The following ASB7 variants were observed in gnomAD, a reference collection of about 807,000 sequenced individuals.
ASB7 encodes the protein ankyrin repeat and SOCS box protein 7.
Under a neutral mutation model 32.5 loss-of-function variants are expected in ASB7, and 4 were observed. The ratio of observed to expected loss-of-function variants is 0.12; its 90% CI spans 0.06 to 0.28. The LOEUF (loss-of-function observed/expected upper bound fraction) is 0.28. Among genes scored for constraint, ASB7 ranks in the 10% least tolerant of loss-of-function variants. ASB7 has a pLI of 1.00. For missense variants in ASB7, 181 were observed against 407.1 expected (o/e 0.44, Z 4.78); for synonymous variants, 172 against 155.6 (o/e 1.11, Z -0.78).
chr15:100,623,739 G>A (rs978602098), intron 4 of ASB7, among the ~76,000 whole-genome samples: 5 of 151,860 alleles, frequency 3.3e-5, no homozygotes, highest in African/African-American at 1.2e-4. Flanking sequence ...CTCTTAATAC[G>A]GCATCGGTGG....
Position 100,648,377 on chromosome 15 carries a change from G to A in ASB7, c.872G>A (p.Gly291Asp), listed in dbSNP as rs2040010172. Residue 291 changes from glycine (G) to aspartate (D), a missense_variant, in exon 6 of 6, where the codon GGC becomes GAC. Transcript: ENST00000332783. ...CGAATTAAAATTCGACAATGTATAGGCCTTCAAAACCTAAAGCTACTTGAT... is the reference window on the plus strand; with the variant it reads ...CGAATTAAAATTCGACAATGTATAGACCTTCAAAACCTAAAGCTACTTGAT... ...LCRIKIRQCI[G>D]LQNLKLLDEL... is the part of the protein sequence containing the mutation. The A allele has an allele frequency of 6.2e-7, 1 of 1,611,452 alleles. No homozygotes were observed.
chr15:100,623,539 T>C (rs1029103069), intron 4 of ASB7, among the ~76,000 whole-genome samples: 2 of 152,202 alleles, frequency 1.3e-5, no homozygotes, highest in African/African-American at 2.4e-5. Flanking sequence ...CAATGAGATA[T>C]CTTATCCCAG....
At chr15:100,637,234 A>T (rs1033626296) in intron 5 of ASB7, among the ~76,000 whole-genome samples, 2 of 152,226 alleles carry the variant, frequency 1.3e-5, no homozygotes, top group African/African-American at 4.8e-5. Flanking sequence ...TTTACTGGAA[A>T]GAGTAGAAGC....
intron 2 of ASB7, among the ~76,000 whole-genome samples, chr15:100,608,768 C>T (rs761328707): frequency 3.7e-4 from 57 of 152,066 alleles, no homozygotes; most frequent in Non-Finnish European, 5.9e-4. Context: ...CTTTACCTTC[C>T]TTGAAGAGGT....
At chr15:100,644,280 C>T (rs1013136043) in intron 5 of ASB7, among the ~76,000 whole-genome samples, 7 of 152,088 alleles carry the variant, frequency 4.6e-5, no homozygotes, top group Admixed American at 2.6e-4. Flanking sequence ...AAAAAGAGCC[C>T]GTCATCTATT....
At chr15:100,607,619 A>G (rs2039657543) in intron 2 of ASB7, among the ~76,000 whole-genome samples, 2 of 152,276 alleles carry the variant, frequency 1.3e-5, no homozygotes, top group South Asian at 4.1e-4. Flanking sequence ...AGCACTTGGT[A>G]TTTTCAGAAA....
At position 100,629,633 on chromosome 15, in the gene ASB7, C is replaced by G. The variant is rs1307788928; in HGVS notation, c.408C>G (p.Leu136=). The G allele has an allele frequency of 6.2e-7, 1 of 1,614,198 alleles. No individual in the cohort carries two copies. The highest frequency in any genetic ancestry group is 8.5e-7 in the Non-Finnish European group (1 of 1,180,046). The part of the protein sequence containing the change: ...HYGRDSFVRL[L]LEFKAEVDPL... ...GCAGGGACTCATTTGTCCGGCTCCTCCTGGAGTTCAAGGCTGAGGTTGACC... is the reference window on the plus strand; with the variant it reads ...GCAGGGACTCATTTGTCCGGCTCCTGCTGGAGTTCAAGGCTGAGGTTGACC... Residue 136 remains leucine (L), a synonymous_variant, in exon 5 of 6, where the codon CTC becomes CTG. Coordinates refer to ENST00000332783, the MANE Select transcript of ASB7 (RefSeq NM_198243.3). This position sits in a 1 kb window ranked among gnomAD's most constrained non-coding sequence, Gnocchi z 6.8.
chr15:100,616,636 T>G (rs1270613721), intron 4 of ASB7, among the ~76,000 whole-genome samples: 1 of 152,186 alleles, frequency 6.6e-6, no homozygotes, highest in East Asian at 1.9e-4. Flanking sequence ...CATTTCTGAG[T>G]TTTTATTTAA....
At chr15:100,632,520 G>A (rs3803440) in intron 5 of ASB7, among the ~76,000 whole-genome samples, 100,992 of 152,064 alleles carry the variant, frequency 0.66, 33,907 homozygotes, top group East Asian at 0.82. Context: ...TCTGGACTGA[G>A]CTTTCTCATG....
intron 5 of ASB7, among the ~76,000 whole-genome samples, chr15:100,641,571 T>A (rs2039962083): frequency 6.6e-6 from 1 of 152,208 alleles, no homozygotes; most frequent in African/African-American, 2.4e-5. Flanking sequence ...CCCTCACATC[T>A]CTGCCTGATT....
chr15:100,603,646 C>T (rs1162896320), intron 2 of ASB7, among the ~76,000 whole-genome samples: 10 of 152,074 alleles, frequency 6.6e-5, no homozygotes, highest in African/African-American at 9.7e-5. Context: ...CATAGGAATT[C>T]CTCAATTCCT....
intron 5 of ASB7, among the ~76,000 whole-genome samples, chr15:100,633,551 T>C (rs1483146939): frequency 6.7e-6 from 1 of 149,782 alleles, no homozygotes; most frequent in Non-Finnish European, 1.5e-5. Flanking sequence ...CACTCCGGCC[T>C]GGGTGACAAG....
chr15:100,638,872 T>C (rs1423997404), intron 5 of ASB7, among the ~76,000 whole-genome samples: 1 of 152,080 alleles, frequency 6.6e-6, no homozygotes, highest in Non-Finnish European at 1.5e-5. Context: ...CCCTGGTGTA[T>C]GATGTTGCCC....
chr15:100,643,477 CTTTTTTT>C (rs1172063471), intron 5 of ASB7, among the ~76,000 whole-genome samples: 1 of 104,380 alleles, frequency 9.6e-6, no homozygotes, highest in Admixed American at 9.9e-5. Context: ...GTCCCTTCTT[CTTTTTTT>C]TTTTTTTTTT....
chr15:100,635,912 G>C (rs1413038128), intron 5 of ASB7, among the ~76,000 whole-genome samples: 1 of 152,194 alleles, frequency 6.6e-6, no homozygotes, highest in Non-Finnish European at 1.5e-5. Flanking sequence ...TCATGGAGAA[G>C]GTTCTGGGTG....
intron 2 of ASB7, among the ~76,000 whole-genome samples, chr15:100,604,021 T>C (rs1181031969): frequency 1.3e-5 from 2 of 152,358 alleles, no homozygotes; most frequent in Middle Eastern, 3.4e-3. Context: ...CAATGTTTCT[T>C]ACACCTCAGA....
intron 4 of ASB7, among the ~76,000 whole-genome samples, chr15:100,621,912 G>C (rs2141395054): frequency 6.6e-6 from 1 of 151,234 alleles, no homozygotes; most frequent in South Asian, 2.1e-4. Flanking sequence ...AAGAGTGGAA[G>C]AGAGATTCTC....
rs918087811 is a variant in ASB7, at chr15:100,603,250, G to T, written c.-237G>T. The T allele has an allele frequency of 1.1e-5, 4 of 365,068 alleles. No homozygotes were observed. Among genetic ancestry groups the T allele is most frequent in the Admixed American group, 9.3e-5 (2 of 21,476 alleles). 22.6% of individuals were successfully genotyped at this position (365,068 alleles called of 1,614,324 possible). A position where few individuals can be genotyped will look rare whatever the true frequency, so the allele number is the denominator to read the frequency against. ...GCTGAAGAAGACGCGAAAGCAGGAA[G>T]AGGTCTGCCCACCTATCAGAGAAGC... is the stretch of plus-strand genomic sequence containing the variant. On this transcript the variant is annotated 5_prime_UTR_variant, in exon 2 of 6. Transcript: ENST00000332783.
At chr15:100,609,879 C>G (rs1346227798) in intron 3 of ASB7, 51 bp downstream of exon 3, 1 of 152,202 alleles carries the variant, frequency 6.6e-6, no homozygotes, top group Admixed American at 6.5e-5. Flanking sequence ...GGGGAAAGCT[C>G]ACTTAACTTT....
Sources: allele counts gnomAD v4.1 joint callset (sites outside exome capture counted in the v4.1 genomes callset), GRCh38; gene constraint gnomAD v4.1.1; non-coding constraint Gnocchi (gnomAD v3.1); transcripts MANE v1.5; gene names NCBI Gene and HGNC (gene_info 2026-07-23, HGNC 2026-07-21).